Variants in DPP8 observed in about 807,000 individuals in gnomAD.
DPP8 encodes the protein DPP VIII.
Under a neutral mutation model 107.5 loss-of-function variants are expected in DPP8, and 31 were observed. The observed-to-expected ratio is 0.29, with a 90% CI of 0.22 to 0.39. The LOEUF is 0.39. Among genes scored for constraint, DPP8 ranks in the 10% least tolerant of loss-of-function variants. The pLI, the probability that DPP8 is intolerant of heterozygous loss-of-function variation, is 1.00. For missense variants in DPP8, 842 were observed against 1,076.1 expected (o/e 0.78, Z 3.04); for synonymous variants, 381 against 356.6 (o/e 1.07, Z -0.77).
intron 19 of DPP8, 57 bp from the exon 20 acceptor site, chr15:65,447,063 T>A (rs2063534335): frequency 1.5e-6 from 2 of 1,373,316 alleles, no homozygotes; most frequent in Non-Finnish European, 2.0e-6. Flanking sequence ...GTAATACATC[T>A]TCTTCCAAAG....
chr15:65,448,868 A>ATATATATATGTGTG (rs2063714145), intron 19 of DPP8, among the ~76,000 whole-genome samples: 1 of 5,638 alleles, frequency 1.8e-4, no homozygotes, highest in African/African-American at 6.1e-4. Context: ...TATCTAAAAT[A>ATATATATATGTGTG]TATATATATA....
At chr15:65,477,839 A>T (rs191653807) in intron 11 of DPP8, among the ~76,000 whole-genome samples, 9 of 152,034 alleles carry the variant, frequency 5.9e-5, no homozygotes, top group African/African-American at 1.9e-4. Context: ...GCCTTTTTCC[A>T]CAATTATTAA....
chr15:65,471,107 C>T (rs2065856006), intron 12 of DPP8, among the ~76,000 whole-genome samples: 1 of 152,120 alleles, frequency 6.6e-6, no homozygotes, highest in Non-Finnish European at 1.5e-5. Flanking sequence ...AATGACTCAT[C>T]CTTCAATCAT....
At chr15:65,512,212 A>G (rs573588330) in intron 2 of DPP8, 83 bp downstream of exon 2, 3 of 1,355,682 alleles carry the variant, frequency 2.2e-6, no homozygotes, top group Non-Finnish European at 3.1e-6. Context: ...TTATTCATCA[A>G]ACTTTTGAGT....
chr15:65,487,190 C>T (rs2067528615), intron 7 of DPP8, among the ~76,000 whole-genome samples: 1 of 151,700 alleles, frequency 6.6e-6, no homozygotes, highest in Non-Finnish European at 1.5e-5. Context: ...ACTCTTGTTG[C>T]CTAGGCTGGA....
At chr15:65,484,493 T>G (rs914207881) in intron 8 of DPP8, among the ~76,000 whole-genome samples, 2 of 152,004 alleles carry the variant, frequency 1.3e-5, no homozygotes, top group Non-Finnish European at 2.9e-5. Context: ...TTTTAAAGTT[T>G]AAATAAATAA....
intron 6 of DPP8, 50 bp downstream of exon 6, chr15:65,490,139 C>A: frequency 1.0e-6 from 1 of 955,992 alleles, no homozygotes; most frequent in Non-Finnish European, 1.7e-6. Flanking sequence ...ACAGTTGAAT[C>A]TTAACAATAC....
chr15:65,481,539 G>C lies in DPP8; in HGVS notation c.1094C>G (p.Ala365Gly). The C allele has an allele frequency of 1.9e-6, 3 of 1,589,036 alleles. No individual in the cohort carries two copies. The highest frequency in any genetic ancestry group is 2.3e-5 in the South Asian group (2 of 86,406). ...LFEGVEYIARAGWTPEGKYAW... is the reference protein window; with the variant it reads ...LFEGVEYIARGGWTPEGKYAW... ...CTATTTTCCCTCAGGAGTCCATCCAGCTCTGGCAATATATTCAACTCCTTC... is the reference window on the plus strand; with the variant it reads ...CTATTTTCCCTCAGGAGTCCATCCACCTCTGGCAATATATTCAACTCCTTC... The change falls in exon 9 of 20, where the codon GCT (alanine) becomes GGT (glycine). Residue 365 changes from alanine to glycine, a missense_variant. Physicochemically the swap from Ala to Gly is moderately conservative, Grantham distance 60. Transcript: ENST00000300141.
At chr15:65,509,821 G>A (rs997850036) in intron 2 of DPP8, among the ~76,000 whole-genome samples, 9 of 152,042 alleles carry the variant, frequency 5.9e-5, no homozygotes, top group Non-Finnish European at 1.0e-4. Context: ...AGGAGTTTGA[G>A]ATGAGCCTGA....
intron 12 of DPP8, among the ~76,000 whole-genome samples, chr15:65,468,883 T>C (rs1297282715): frequency 6.6e-6 from 1 of 152,184 alleles, no homozygotes; most frequent in Non-Finnish European, 1.5e-5. Context: ...TCCAAGGAAG[T>C]ATCATAATTG....
chr15:65,463,661 C>T, intron 15 of DPP8, 100 bp downstream of exon 15: 1 of 1,037,616 alleles, frequency 9.6e-7, no homozygotes, highest in Non-Finnish European at 1.4e-6. Context: ...AAATGCCCAA[C>T]AATGCTCAAA....
chr15:65,467,265 C>T (rs755132636), intron 12 of DPP8, 42 bp from the exon 13 acceptor site: 1 of 1,604,568 alleles, frequency 6.2e-7, no homozygotes, highest in Admixed American at 1.7e-5. Flanking sequence ...GCTAACATGA[C>T]CTTGGCAAAG....
intron 16 of DPP8, 149 bp downstream of exon 16, chr15:65,456,076 C>T (rs1341008234): frequency 9.7e-7 from 1 of 1,029,204 alleles, no homozygotes. Flanking sequence ...CAAGTTGCAT[C>T]TTCTCTCCCA....
intron 4 of DPP8, 70 bp from the exon 5 acceptor site, chr15:65,498,102 A>T: frequency 8.7e-7 from 1 of 1,152,460 alleles, no homozygotes; most frequent in Non-Finnish European, 1.2e-6. Context: ...CCCTTCCTAT[A>T]AGATGAACAA....
intron 6 of DPP8, among the ~76,000 whole-genome samples, chr15:65,489,639 C>T (rs1364549308): frequency 2.0e-5 from 3 of 148,162 alleles, no homozygotes; most frequent in East Asian, 2.0e-4. Flanking sequence ...AGGATGGTCT[C>T]GATCTCCTGA....
intron 2 of DPP8, among the ~76,000 whole-genome samples, chr15:65,509,590 G>A (rs2070494040): frequency 6.6e-6 from 1 of 152,140 alleles, no homozygotes; most frequent in African/African-American, 2.4e-5. Context: ...GCATGACAAA[G>A]AACAAGAGGC....
At chr15:65,507,146 A>C (rs1257122773) in intron 3 of DPP8, 97 bp downstream of exon 3, 6 of 604,440 alleles carry the variant, frequency 9.9e-6, no homozygotes, top group Non-Finnish European at 1.6e-5. Flanking sequence ...AATTTTTTTT[A>C]TTTACATCTA....
At chr15:65,485,437 G>C (rs142898902) in intron 7 of DPP8, among the ~76,000 whole-genome samples, 3 of 151,346 alleles carry the variant, frequency 2.0e-5, no homozygotes, top group African/African-American at 7.3e-5. Context: ...CCAGCTACTT[G>C]GGAGGCTGAG....
chr15:65,504,395 G>A (rs928491502), intron 3 of DPP8, among the ~76,000 whole-genome samples: 4 of 151,500 alleles, frequency 2.6e-5, no homozygotes, highest in African/African-American at 9.7e-5. Context: ...GGTAGGGCCG[G>A]GTGCAGCGGC....
Sources: gnomAD v4.1 joint callset for allele counts (sites outside exome capture counted in the v4.1 genomes callset) on GRCh38, gnomAD v4.1.1 for gene constraint, MANE v1.5 for transcripts, NCBI Gene and HGNC (gene_info 2026-07-23, HGNC 2026-07-21) for gene names.